The following REPS1 variants were observed in gnomAD, a reference collection of about 807,000 sequenced individuals.
REPS1 encodes RALBP1 associated Eps domain containing 1.
In REPS1, 39 loss-of-function variants were observed where a neutral mutation model predicts 100.9. The ratio of observed to expected loss-of-function variants is 0.39; its 90% CI spans 0.30 to 0.50. The LOEUF is 0.50. REPS1 is among the 20% of genes least tolerant of loss of function. The probability of loss-of-function intolerance (pLI) is 0.86; values close to 1 mark genes in which losing one functional copy is unlikely to be tolerated. For missense variants in REPS1, 821 were observed against 968.5 expected (o/e 0.85, Z 2.02); for synonymous variants, 324 against 340.3 (o/e 0.95, Z 0.53).
At chr6:138,942,716 AC>A (rs1428114563) in intron 7 of REPS1, among the ~76,000 whole-genome samples, 3 of 152,130 alleles carry the variant, frequency 2.0e-5, no homozygotes, top group African/African-American at 7.2e-5. Flanking sequence ...TGCTGGAATT[AC>A]AGGCGTGAAC....
intron 2 of REPS1, among the ~76,000 whole-genome samples, chr6:138,947,560 A>C (rs541091328): frequency 6.6e-6 from 1 of 152,318 alleles, no homozygotes; most frequent in African/African-American, 2.4e-5. Context: ...TGAACAGTAC[A>C]TATAGTCAAA....
chr6:138,987,231 G>A (rs1015262286), intron 1 of REPS1, among the ~76,000 whole-genome samples: 2 of 152,200 alleles, frequency 1.3e-5, no homozygotes, highest in African/African-American at 4.8e-5. Context: ...AACAACCTAA[G>A]ATCCTTCAAG....
intron 16 of REPS1, 44 bp from the exon 17 acceptor site, chr6:138,911,415 T>C (rs372177408): frequency 1.7e-6 from 2 of 1,159,988 alleles, no homozygotes; most frequent in Non-Finnish European, 1.3e-6. Context: ...ACATAACATG[T>C]AATTATGCAT....
intron 10 of REPS1, among the ~76,000 whole-genome samples, chr6:138,922,880 C>T (rs1260526242): frequency 6.6e-6 from 1 of 152,172 alleles, no homozygotes; most frequent in Non-Finnish European, 1.5e-5. Context: ...CTAGAGAAAG[C>T]GAAGTTCCAG....
intron 1 of REPS1, among the ~76,000 whole-genome samples, chr6:138,960,155 A>G (rs892202302): frequency 6.6e-6 from 1 of 152,202 alleles, no homozygotes; most frequent in Non-Finnish European, 1.5e-5. Context: ...AAAAAATCTT[A>G]CCATCTAGAA....
intron 1 of REPS1, among the ~76,000 whole-genome samples, chr6:138,982,966 G>A (rs1785037418): frequency 6.6e-6 from 1 of 152,198 alleles, no homozygotes; most frequent in African/African-American, 2.4e-5. Context: ...AAAGGAGTAA[G>A]TTGATACGTA....
chr6:138,912,799 T>A lies in REPS1; in HGVS notation c.1937A>T (p.Asp646Val). 1 of 1,614,194 alleles carries A rather than the reference T, an allele frequency of 6.2e-7. No homozygotes were observed. The change falls in exon 16 of 20, where the codon GAT becomes GTT. Residue 646 changes from aspartate (D) to valine (V), a missense_variant. By Grantham distance (152) the Asp-to-Val change is radical. Transcript: ENST00000450536. ...FAASNVNDEQDDEAEKHPEVL... is the reference protein window; with the variant it reads ...FAASNVNDEQVDEAEKHPEVL... ...TTCTGGATGTTTCTCGGCTTCATCA[T>A]CTTGTTCGTCGTTTACATTTGATGC...
chr6:138,981,551 C>G (rs1784952546), intron 1 of REPS1, among the ~76,000 whole-genome samples: 1 of 152,198 alleles, frequency 6.6e-6, no homozygotes, highest in Admixed American at 6.5e-5. Context: ...TTGTATATAT[C>G]TCCTCTTTGT....
At chr6:138,935,156 C>T (rs535301416) in intron 8 of REPS1, among the ~76,000 whole-genome samples, 80 of 152,172 alleles carry the variant, frequency 5.3e-4, no homozygotes, top group African/African-American at 1.8e-3. Flanking sequence ...GAAACTTATT[C>T]GGTAAGACTA....
intron 1 of REPS1, among the ~76,000 whole-genome samples, chr6:138,975,218 T>C (rs1784532588): frequency 6.6e-6 from 1 of 152,152 alleles, no homozygotes; most frequent in African/African-American, 2.4e-5. Context: ...CTTTGCCCTC[T>C]GCTTCTTTAT....
chr6:138,920,026 G>C (rs1286775077), intron 12 of REPS1, among the ~76,000 whole-genome samples, 189 bp downstream of exon 12: 1 of 152,146 alleles, frequency 6.6e-6, no homozygotes, highest in Non-Finnish European at 1.5e-5. Context: ...ATGGCAAACA[G>C]GAAGCCTGCA....
chr6:138,929,048 C>T (rs557591915), intron 9 of REPS1: 2 of 152,194 alleles, frequency 1.3e-5, no homozygotes, highest in South Asian at 2.1e-4. Context: ...GCTCTTTAAT[C>T]CAGCATTTTT....
intron 1 of REPS1, among the ~76,000 whole-genome samples, chr6:138,970,973 T>C (rs1784311831): frequency 6.6e-6 from 1 of 152,168 alleles, no homozygotes; most frequent in Non-Finnish European, 1.5e-5. Context: ...GAACATTATG[T>C]AGAAAATAAC....
At chr6:138,928,978 A>G (rs556810440) in intron 9 of REPS1, 1 of 152,180 alleles carries the variant, frequency 6.6e-6, no homozygotes, top group Non-Finnish European at 1.5e-5. Flanking sequence ...AGCAGGAAAT[A>G]GTATAAAACC....
intron 1 of REPS1, among the ~76,000 whole-genome samples, chr6:138,971,888 G>C (rs1340493050): frequency 6.6e-6 from 1 of 152,162 alleles, no homozygotes; most frequent in Non-Finnish European, 1.5e-5. Context: ...GTCTATGAAT[G>C]CACAGCCAAG....
At chr6:138,956,990 A>T (rs1783432610) in intron 1 of REPS1, among the ~76,000 whole-genome samples, 1 of 152,086 alleles carries the variant, frequency 6.6e-6, no homozygotes, top group African/African-American at 2.4e-5. Context: ...GATAAAATAG[A>T]GAAAAATGTC....
At chr6:138,926,260 A>G in intron 10 of REPS1, 141 bp downstream of exon 10, 1 of 571,274 alleles carries the variant, frequency 1.8e-6, no homozygotes, top group South Asian at 2.4e-5. Flanking sequence ...CCCACCATTA[A>G]GCACACAAAA....
Position 138,930,032 on chromosome 6 carries a change from G to A in REPS1, c.1202C>T (p.Ser401Leu). Reference sequence around the variant, plus strand: ...CTGGTTTAGTGATGGCATCGATGGTGACTTGCTTGGAGGAGCTTCAGCAGG... The same window carrying A: ...CTGGTTTAGTGATGGCATCGATGGTAACTTGCTTGGAGGAGCTTCAGCAGG... ...GSPAEAPPSK[S>L]PSMPSLNQTW... The change falls in exon 9 of 20, where the codon TCA (serine) becomes TTA (leucine). Residue 401 changes from serine (S) to leucine (L), a missense_variant. Ser to Leu is a moderately radical substitution (Grantham distance 145, BLOSUM62 -2). Around this residue, in one of 3 missense-constraint regions of REPS1, gnomAD observed 757 missense variants for 866.4 expected, o/e 0.87. Coordinates refer to ENST00000450536, the MANE Select transcript of REPS1 (RefSeq NM_001286611.2). 1 of 1,613,720 alleles carries A rather than the reference G, an allele frequency of 6.2e-7. No homozygotes were observed. The highest frequency in any genetic ancestry group is 8.5e-7 in the Non-Finnish European group (1 of 1,179,724).
chr6:138,945,459 G>A (rs1209701004), intron 3 of REPS1, 42 bp downstream of exon 3: 10 of 1,581,208 alleles, frequency 6.3e-6, no homozygotes, highest in Non-Finnish European at 8.6e-6. Flanking sequence ...TGAAGCATTT[G>A]CACAGGGCAT....
Sources: allele counts gnomAD v4.1 joint callset (sites outside exome capture counted in the v4.1 genomes callset), GRCh38; gene constraint gnomAD v4.1.1; regional missense constraint gnomAD v4.1.1; transcripts MANE v1.5; gene names NCBI Gene and HGNC (gene_info 2026-07-23, HGNC 2026-07-21).